The following MAP4 variants were observed in gnomAD, a reference collection of about 807,000 sequenced individuals.
The protein encoded by MAP4 is microtubule associated protein 4, also known as microtubule-associated protein 4.
Under a neutral mutation model 170.2 loss-of-function variants are expected in MAP4, and 76 were observed. The observed-to-expected ratio is 0.45, with a 90% CI of 0.37 to 0.54. The LOEUF (loss-of-function observed/expected upper bound fraction) is 0.54. MAP4 is among the 20% of genes least tolerant of loss of function. MAP4 has a pLI of 0.00. For synonymous variants in MAP4, 909 were observed against 994.5 expected, an observed-to-expected ratio of 0.91 and a Z score of 1.62; for missense variants, 2,506 against 2,748.0, an observed-to-expected ratio of 0.91 and a Z score of 1.97.
At chr3:48,012,401 A>T (rs1162061616) in intron 1 of MAP4, among the ~76,000 whole-genome samples, 2 of 152,334 alleles carry the variant, frequency 1.3e-5, no homozygotes, top group East Asian at 3.9e-4. Context: ...CATCAGTTTC[A>T]TGGTCAAAGA....
chr3:47,977,754 C>T, intron 3 of MAP4, 111 bp downstream of exon 3: 1 of 742,508 alleles, frequency 1.3e-6, no homozygotes, highest in Non-Finnish European at 2.3e-6. Context: ...CACTACCACC[C>T]TCAGAAATAA....
intron 4 of MAP4, among the ~76,000 whole-genome samples, chr3:47,925,534 G>A (rs757343469): frequency 1.3e-5 from 2 of 152,076 alleles, no homozygotes; most frequent in African/African-American, 4.8e-5. Flanking sequence ...CCATATAATG[G>A]AGTATTACGT....
chr3:48,056,924 G>T (rs1334741290), intron 1 of MAP4, among the ~76,000 whole-genome samples: 1 of 132,356 alleles, frequency 7.6e-6, no homozygotes, highest in Non-Finnish European at 1.6e-5. Flanking sequence ...CGCCCCGTCC[G>T]GGAGGGAGGT....
chr3:47,894,663 G>A lies in MAP4; in HGVS notation c.5434+8287C>T, dbSNP rs1444508016. ...GGTAATACAACATAGTTGAATTCTT[G>A]CTTTCTTTTTTTATACATATAATTG... is the stretch of plus-strand genomic sequence containing the variant. On this transcript the variant is annotated intron_variant, in intron 10 of 20. Transcript: ENST00000683076. Among the ~76,000 whole-genome samples, 3 of 152,008 alleles carry A rather than the reference G, an allele frequency of 2.0e-5. No individual in the cohort carries two copies. The East Asian group carries it at 5.8e-4, about 29-fold the overall frequency.
At chr3:47,904,653 C>CG (rs1191174625) in intron 9 of MAP4, among the ~76,000 whole-genome samples, 19 of 11,438 alleles carry the variant, frequency 1.7e-3, no homozygotes, top group Non-Finnish European at 2.6e-3. Flanking sequence ...TTTTTTTGGG[C>CG]GGGGGGGCTA....
chr3:48,061,566 C>A (rs2100135301), intron 1 of MAP4, among the ~76,000 whole-genome samples: 1 of 152,208 alleles, frequency 6.6e-6, no homozygotes, highest in African/African-American at 2.4e-5. Context: ...CAGCCGCCTG[C>A]CTTGGCCTCC....
chr3:48,054,006 T>G (rs1487890723), intron 1 of MAP4, among the ~76,000 whole-genome samples: 1 of 152,206 alleles, frequency 6.6e-6, no homozygotes, highest in African/African-American at 2.4e-5. Flanking sequence ...ATAAATGTCA[T>G]TTTAAAAACA....
chr3:48,044,018 G>A (rs1038062707), intron 1 of MAP4, among the ~76,000 whole-genome samples: 5 of 150,994 alleles, frequency 3.3e-5, no homozygotes, highest in African/African-American at 1.2e-4. Flanking sequence ...GCTAATGTTT[G>A]TATTTTTAGT....
At chr3:47,857,362 G>T in intron 18 of MAP4, 69 bp downstream of exon 18, 1 of 1,288,458 alleles carries the variant, frequency 7.8e-7, no homozygotes, top group Non-Finnish European at 1.1e-6. Flanking sequence ...CAGCCAGCTG[G>T]CTGCCCAGCT....
intron 3 of MAP4, among the ~76,000 whole-genome samples, chr3:47,956,946 T>C (rs2100068177): frequency 6.6e-6 from 1 of 152,152 alleles, no homozygotes; most frequent in Non-Finnish European, 1.5e-5. Context: ...TATGCACCAT[T>C]TCCCAAAAAC....
chr3:47,986,814 A>C (rs1390947782), intron 2 of MAP4, among the ~76,000 whole-genome samples: 1 of 152,220 alleles, frequency 6.6e-6, no homozygotes, highest in East Asian at 1.9e-4. Flanking sequence ...GCATATATAT[A>C]AACTTCCCTA....
chr3:47,887,265 G>A (rs970841186), intron 10 of MAP4, among the ~76,000 whole-genome samples: 3 of 152,246 alleles, frequency 2.0e-5, no homozygotes, highest in Non-Finnish European at 2.9e-5. Flanking sequence ...CTGGAGTTCC[G>A]GGTGGGCGTG....
chr3:47,956,872 C>T (rs960876532), intron 3 of MAP4, among the ~76,000 whole-genome samples: 2 of 152,184 alleles, frequency 1.3e-5, no homozygotes, highest in Non-Finnish European at 2.9e-5. Context: ...ACAGGGCTGA[C>T]CTGACTAAAG....
intron 2 of MAP4, among the ~76,000 whole-genome samples, chr3:47,997,325 C>A (rs2100096340): frequency 4.9e-5 from 2 of 40,690 alleles, no homozygotes; most frequent in African/African-American, 2.2e-4. Context: ...ATTTAAACTG[C>A]TAAAAAAAAA....
At chr3:48,019,512 T>C (rs1304360640), upstream of MAP4, among the ~76,000 whole-genome samples, 1 of 152,212 alleles carries the variant, frequency 6.6e-6, no homozygotes, top group East Asian at 1.9e-4. Flanking sequence ...GATGACTTAG[T>C]GCTGAGGAGA....
rs1182695603 is a variant in MAP4, at chr3:47,852,824, C to G, written c.*110G>C. On this transcript the variant is annotated 3_prime_UTR_variant, in exon 21 of 21. Transcript: ENST00000683076. ...ACAGCCCGGGAAAGGGGGCCAAGGA[C>G]CCGGGAGCCCGAGTTGGGGCCGCCA... 3.2e-6 allele frequency: 5 copies of G among 1,551,374 alleles called. No individual in the cohort carries two copies. The highest frequency in any genetic ancestry group is 2.0e-5 in the Admixed American group (1 of 51,054).
chr3:48,057,646 GAAAAA>G (rs569379277), intron 1 of MAP4, among the ~76,000 whole-genome samples: 17 of 131,962 alleles, frequency 1.3e-4, no homozygotes, highest in East Asian at 2.2e-4. Context: ...AGAAAAAAAA[GAAAAA>G]AAAAAAAAAG....
At chr3:47,885,700 C>A (rs2097468855) in intron 10 of MAP4, among the ~76,000 whole-genome samples, 1 of 150,882 alleles carries the variant, frequency 6.6e-6, no homozygotes, top group Non-Finnish European at 1.5e-5. Flanking sequence ...CCATAGCCAA[C>A]AACTGTGCAA....
chr3:47,907,944 T>G lies in MAP4; in HGVS notation c.5383+1094A>C, dbSNP rs115742926. On this transcript the variant is annotated intron_variant, in intron 9 of 20. Coordinates refer to ENST00000683076, the MANE Select transcript of MAP4 (RefSeq NM_001385682.1). ...GTATTCCTTAGTGGGTACATACTCA[T>G]GCATAGACAAGCTTTACCCAAAAGA... Among the ~76,000 whole-genome samples the G allele has an allele frequency of 3.9e-4, 59 of 152,328 alleles. 1 individual carries two copies. Among genetic ancestry groups the G allele is most frequent in the African/African-American group, 1.4e-3 (58 of 41,574 alleles).
Sources: gnomAD v4.1 joint callset for allele counts (sites outside exome capture counted in the v4.1 genomes callset) on GRCh38, gnomAD v4.1.1 for gene constraint, MANE v1.5 for transcripts, NCBI Gene and HGNC (gene_info 2026-07-23, HGNC 2026-07-21) for gene names.